The following TSC22D3 variants were observed in gnomAD, a reference collection of about 807,000 sequenced individuals.
TSC22D3 encodes TSC22 domain family protein 3.
In TSC22D3, 4 loss-of-function variants were observed where a neutral mutation model predicts 11.1. That is an observed-to-expected ratio of 0.36 (90% CI 0.18 to 0.83). TSC22D3 has a LOEUF of 0.83. Ranked by LOEUF, TSC22D3 falls within the 40% of genes least tolerant of loss-of-function variation. The probability of loss-of-function intolerance (pLI) is 0.48; values close to 1 mark genes in which losing one functional copy is unlikely to be tolerated. For synonymous variants in TSC22D3, 77 were observed against 70.3 expected (o/e 1.10, Z -0.48); for missense variants, 118 against 159.4 (o/e 0.74, Z 1.40).
intron 1 of TSC22D3, chrX:107,721,917 T>C: frequency 2.0e-6 from 1 of 507,221 alleles, no homozygotes; most frequent in South Asian, 2.8e-5. Context: ...ATGGTTTAAT[T>C]TGTCCTTGCT....
Position 107,741,404 on chromosome X carries a change from C to A in TSC22D3, c.321-25454G>T, listed in dbSNP as rs756851031. Reference sequence around the variant, plus strand: ...AACAACTTTCCTCAGAGCTCTCCCCCACTCCCACATTGTCTCCTCCCACTC... The same window carrying A: ...AACAACTTTCCTCAGAGCTCTCCCCAACTCCCACATTGTCTCCTCCCACTC... On this transcript the variant is annotated intron_variant, in intron 1 of 2. Transcript: ENST00000372383. 5.3e-5 allele frequency among the ~76,000 whole-genome samples: 6 copies of A among 112,766 alleles called. No homozygotes were observed. The South Asian group carries it at 1.5e-3, about 28-fold the overall frequency.
intron 1 of TSC22D3, among the ~76,000 whole-genome samples, chrX:107,724,330 C>T (rs1002374376): frequency 8.8e-6 from 1 of 113,057 alleles, no homozygotes; most frequent in Non-Finnish European, 1.9e-5. Flanking sequence ...GGGAACAGCA[C>T]CAGGGATCTC....
intron 1 of TSC22D3, among the ~76,000 whole-genome samples, chrX:107,717,594 A>C: frequency 8.9e-6 from 1 of 112,382 alleles, no homozygotes; most frequent in East Asian, 2.8e-4. Context: ...CCCAGCACTC[A>C]TCCACTTGCC....
At chrX:107,761,884 C>A (rs1436374880) in intron 1 of TSC22D3, among the ~76,000 whole-genome samples, 1 of 112,316 alleles carries the variant, frequency 8.9e-6, no homozygotes, top group Non-Finnish European at 1.9e-5. Context: ...CACAGCGGGG[C>A]ACTTGCAGTG....
intron 1 of TSC22D3, among the ~76,000 whole-genome samples, chrX:107,758,463 A>C (rs1387013242): frequency 8.9e-6 from 1 of 111,734 alleles, no homozygotes; most frequent in African/African-American, 3.3e-5. Context: ...CCCACCAAGC[A>C]GATTGGCTTT....
rs775533897 is a variant in TSC22D3 at position 107,714,663 on chromosome X, G to A, written c.459C>T (p.Asn153=). 5 of 1,209,914 alleles carry A rather than the reference G, an allele frequency of 4.1e-6. No homozygotes were observed. Among genetic ancestry groups the A allele is most frequent in the Non-Finnish European group, 5.6e-6 (5 of 895,180 alleles). Residue 153 remains asparagine, a synonymous_variant, in exon 3 of 3, where the codon AAC becomes AAT. Coordinates refer to ENST00000372383, the MANE Select transcript of TSC22D3 (RefSeq NM_198057.3). ...KEQIRELVEK[N]SQLERENTLL... ...GGGTGTTCTCACGCTCTAGCTGGGA[G>A]TTCTTCTCCACCAGCTCTCGGATCT...
At chrX:107,752,770 C>G (rs1005052285) in intron 1 of TSC22D3, among the ~76,000 whole-genome samples, 2 of 111,499 alleles carry the variant, frequency 1.8e-5, no homozygotes, top group Non-Finnish European at 3.8e-5. Flanking sequence ...ACCACTGGAG[C>G]CTAATGAGGT....
Position 107,746,111 on chromosome X carries a change from A to G in TSC22D3, c.320+28989T>C, listed in dbSNP as rs186681098. ...AGGCAGACATTTCATTGGCTTGGAGATTGTTTCCCAATCATTGAGCCCTGC... is the reference window on the plus strand; with the variant it reads ...AGGCAGACATTTCATTGGCTTGGAGGTTGTTTCCCAATCATTGAGCCCTGC... On this transcript the variant is annotated intron_variant, in intron 1 of 2. Coordinates refer to ENST00000372383, the MANE Select transcript of TSC22D3 (RefSeq NM_198057.3). 2.3e-3 allele frequency among the ~76,000 whole-genome samples: 258 copies of G among 111,726 alleles called. 2 individuals carry two copies. The highest frequency in any genetic ancestry group is 2.6e-3 in the Non-Finnish European group (139 of 53,115).
rs1927762042 is a variant in TSC22D3, at chrX:107,728,932, G to A, written c.321-12982C>T. Among the ~76,000 whole-genome samples the A allele has an allele frequency of 2.7e-5, 3 of 111,618 alleles. No homozygotes were observed. The South Asian group carries it at 1.1e-3, about 43-fold the overall frequency. ...TGCCTAGGGTGGGGCCTCACAATGG[G>A]TCCTGGTTATCTGGTGGCCTTGGGA... On this transcript the variant is annotated intron_variant, in intron 1 of 2. Transcript: ENST00000372383.
At chrX:107,761,699 G>A (rs1463528057) in intron 1 of TSC22D3, among the ~76,000 whole-genome samples, 1 of 111,480 alleles carries the variant, frequency 9.0e-6, no homozygotes, top group African/African-American at 3.3e-5. Context: ...ATGACCTTTG[G>A]AGAGTCACTC....
Position 107,714,431 on chromosome X carries a change from G to T in TSC22D3, c.*88C>A. 4.7e-6 allele frequency: 4 copies of T among 860,168 alleles called. No homozygotes were observed. Among genetic ancestry groups the T allele is most frequent in the Non-Finnish European group, 6.5e-6 (4 of 614,869 alleles). The allele number at this position is 860,168 out of a possible 1,213,427, so 70.9% of individuals were successfully genotyped here. A position where few individuals can be genotyped will look rare whatever the true frequency, so the allele number is the denominator to read the frequency against. ...GTGCTAGGTGTAAAGTTCTCCTCGTGAGATGATGCTTGGGGAGCCAAAAAC... is the reference window on the plus strand; with the variant it reads ...GTGCTAGGTGTAAAGTTCTCCTCGTTAGATGATGCTTGGGGAGCCAAAAAC... On this transcript the variant is annotated 3_prime_UTR_variant, in exon 3 of 3. Transcript: ENST00000372383.
At chrX:107,747,404 A>G (rs1231855239) in intron 1 of TSC22D3, among the ~76,000 whole-genome samples, 1 of 112,622 alleles carries the variant, frequency 8.9e-6, no homozygotes, top group Non-Finnish European at 1.9e-5. Flanking sequence ...GTCAGATCTA[A>G]GCAGAATGTA....
intron 1 of TSC22D3, among the ~76,000 whole-genome samples, chrX:107,750,100 A>G (rs1009353553): frequency 1.8e-5 from 2 of 111,931 alleles, no homozygotes; most frequent in Non-Finnish European, 3.8e-5. Context: ...ATTGTATGCT[A>G]TGACTGCACC....
At chrX:107,739,823 G>T (rs886532780) in intron 1 of TSC22D3, among the ~76,000 whole-genome samples, 4 of 112,242 alleles carry the variant, frequency 3.6e-5, no homozygotes, top group Admixed American at 2.8e-4. Context: ...CATAATTACT[G>T]AAGTGTCTTC....
intron 1 of TSC22D3, among the ~76,000 whole-genome samples, chrX:107,769,497 A>G (rs1239270522): frequency 3.6e-5 from 4 of 111,297 alleles, no homozygotes; most frequent in African/African-American, 1.3e-4. Context: ...AAATAGGGAA[A>G]CGGTGAGTTA....
At chrX:107,773,146 C>G (rs1929976604) in intron 1 of TSC22D3, among the ~76,000 whole-genome samples, 1 of 112,703 alleles carries the variant, frequency 8.9e-6, no homozygotes, top group Admixed American at 9.4e-5. Flanking sequence ...AACCAAGAGT[C>G]AATAAACTCG....
intron 1 of TSC22D3, among the ~76,000 whole-genome samples, chrX:107,718,363 C>T (rs1249452759): frequency 8.9e-6 from 1 of 112,467 alleles, no homozygotes; most frequent in African/African-American, 3.2e-5. Context: ...TGGGTTCCAC[C>T]ACATATACAA....
At position 107,714,490 on chromosome X, in the gene TSC22D3, G is replaced by A. The variant is rs1350651982; in HGVS notation, c.*29C>T. 1 of 1,168,547 alleles carries A rather than the reference G, an allele frequency of 8.6e-7. No homozygotes were observed. Among genetic ancestry groups the A allele is most frequent in the South Asian group, 1.9e-5 (1 of 53,832 alleles). The stretch of plus-strand genomic sequence containing the variant: ...AAGAACTAGGTAAAACAAGTTTAGT[G>A]GCTCTGCCCACCCTGAGGACAGAGC... On this transcript the variant is annotated 3_prime_UTR_variant, in exon 3 of 3. Transcript: ENST00000372383.
intron 1 of TSC22D3, among the ~76,000 whole-genome samples, chrX:107,765,018 C>T (rs1001434054): frequency 8.9e-6 from 1 of 111,901 alleles, no homozygotes; most frequent in African/African-American, 3.2e-5. Context: ...GGGCCTTTCT[C>T]TCTTGTTCCT....
Sources: gnomAD v4.1 joint callset for allele counts (sites outside exome capture counted in the v4.1 genomes callset) on GRCh38, gnomAD v4.1.1 for gene constraint, MANE v1.5 for transcripts, NCBI Gene and HGNC (gene_info 2026-07-23, HGNC 2026-07-21) for gene names.